The following NBAS variants were observed in gnomAD, a reference collection of about 807,000 sequenced individuals.
NBAS encodes NAG/BC035112 fusion.
NBAS carries 219 observed loss-of-function variants against 302.5 expected under a neutral mutation model. The ratio of observed to expected loss-of-function variants is 0.72; its 90% CI spans 0.65 to 0.81. NBAS has a LOEUF of 0.81. Among genes scored for constraint, NBAS ranks in the 30% least tolerant of loss-of-function variants. The pLI, the probability that NBAS is intolerant of heterozygous loss-of-function variation, is 0.00. For missense variants in NBAS, 2,932 were observed against 2,841.6 expected (o/e 1.03, Z -0.72); for synonymous variants, 1,118 against 1,021.6 (o/e 1.09, Z -1.80).
Position 15,402,196 on chromosome 2 carries a change from G to C in NBAS, c.3043C>G (p.Leu1015Val). The change falls in exon 26 of 52, where the codon CTA (leucine) becomes GTA (valine). Residue 1015 changes from leucine to valine, a missense_variant. Leu to Val is a conservative substitution (Grantham distance 32, BLOSUM62 1). Coordinates refer to ENST00000281513, the MANE Select transcript of NBAS (RefSeq NM_015909.4). ...NDQLCLCYDL[L>V]ECLPERGYGD... is the part of the protein sequence containing the mutation. ...TATCCTCTTTCTGGCAGACATTCTA[G>C]TAGGTCATAGCAAAGACAGAGTTGA... is the stretch of plus-strand genomic sequence containing the variant. The C allele has an allele frequency of 6.2e-7, 1 of 1,613,564 alleles. No homozygotes were observed. The highest frequency in any genetic ancestry group is 8.5e-7 in the Non-Finnish European group (1 of 1,179,646).
rs76474463 is a variant in NBAS at position 15,291,127 on chromosome 2, G to C, written c.5027+1410C>G. 3.8e-3 allele frequency among the ~76,000 whole-genome samples: 573 copies of C among 152,358 alleles called. 3 individuals carry two copies. Among genetic ancestry groups the C allele is most frequent in the East Asian group, 0.022 (114 of 5,182 alleles). On this transcript the variant is annotated intron_variant, in intron 41 of 51. Transcript: ENST00000281513. ...CTTAGTTTCAAAGGCTGGAAGCCTA[G>C]AGACTGAATCACATCCACTGCTTTT...
intron 42 of NBAS, among the ~76,000 whole-genome samples, chr2:15,279,949 A>G (rs188101893): frequency 6.6e-6 from 1 of 152,310 alleles, no homozygotes; most frequent in East Asian, 1.9e-4. Context: ...AAGAAATACC[A>G]TGAAACCACT....
the NBAS span, among the ~76,000 whole-genome samples, chr2:15,129,715 T>G: frequency 5.3e-5 from 8 of 152,330 alleles, no homozygotes; most frequent in East Asian, 1.5e-3. Context: ...TCCTGGCCAG[T>G]TGGCTGGGTA....
the NBAS span, among the ~76,000 whole-genome samples, chr2:14,936,891 G>T: frequency 1.3e-5 from 2 of 152,132 alleles, no homozygotes; most frequent in African/African-American, 4.8e-5. Context: ...AGGAAGGAGG[G>T]TTCTGCTGGG....
At chr2:14,921,101 T>G in the NBAS span, among the ~76,000 whole-genome samples, 1 of 152,110 alleles carries the variant, frequency 6.6e-6, no homozygotes, top group Non-Finnish European at 1.5e-5. Context: ...TTCCTTTCAC[T>G]TGAATGCTTA....
downstream of NBAS, among the ~76,000 whole-genome samples, chr2:15,164,209 G>A (rs1663961135): frequency 6.6e-6 from 1 of 152,218 alleles, no homozygotes; most frequent in Non-Finnish European, 1.5e-5. Context: ...CCTCGGCCAT[G>A]ATATTATCAG....
the NBAS span, among the ~76,000 whole-genome samples, chr2:15,126,511 G>A: frequency 6.6e-6 from 1 of 152,132 alleles, no homozygotes; most frequent in Non-Finnish European, 1.5e-5. Flanking sequence ...ATACCACTGG[G>A]AAAACTCTGA....
intron 35 of NBAS, among the ~76,000 whole-genome samples, chr2:15,334,990 A>G (rs958905944): frequency 6.6e-6 from 1 of 152,108 alleles, no homozygotes; most frequent in Admixed American, 6.5e-5. Flanking sequence ...TATGAATGAA[A>G]TCATGTACTC....
chr2:14,860,193 G>A, the NBAS span, among the ~76,000 whole-genome samples: 1 of 151,888 alleles, frequency 6.6e-6, no homozygotes, highest in East Asian at 1.9e-4. Flanking sequence ...GGATTAACAA[G>A]AATGTGGAGA....
chr2:14,805,485 T>C, the NBAS span, among the ~76,000 whole-genome samples: 1 of 152,152 alleles, frequency 6.6e-6, no homozygotes, highest in Non-Finnish European at 1.5e-5. Flanking sequence ...AGAAATAGGT[T>C]AGTGATATGG....
the NBAS span, among the ~76,000 whole-genome samples, chr2:14,854,735 C>G: frequency 6.6e-6 from 1 of 152,110 alleles, no homozygotes; most frequent in Non-Finnish European, 1.5e-5. Flanking sequence ...ATGGAGGGAG[C>G]ATTTAAACTA....
At chr2:15,370,249 C>T (rs570435563) in intron 31 of NBAS, among the ~76,000 whole-genome samples, 1 of 152,268 alleles carries the variant, frequency 6.6e-6, no homozygotes, top group South Asian at 2.1e-4. Context: ...CTCCCTGGGC[C>T]TTGATTTCAT....
chr2:15,011,010 T>C, the NBAS span, among the ~76,000 whole-genome samples: 2 of 152,194 alleles, frequency 1.3e-5, no homozygotes, highest in African/African-American at 4.8e-5. Flanking sequence ...TTTCAAGCCA[T>C]TGATTTGTTT....
the NBAS span, among the ~76,000 whole-genome samples, chr2:15,000,409 C>T: frequency 6.6e-6 from 1 of 152,158 alleles, no homozygotes; most frequent in Admixed American, 6.5e-5. Flanking sequence ...GAGCCAATGT[C>T]TTAGAGAAGA....
At chr2:15,514,408 C>A (rs1226524900) in intron 9 of NBAS, among the ~76,000 whole-genome samples, 1 of 152,166 alleles carries the variant, frequency 6.6e-6, no homozygotes, top group Non-Finnish European at 1.5e-5. Context: ...AATTTAATCA[C>A]AACGTTTTTT....
At chr2:15,305,357 T>C (rs1348034585) in intron 40 of NBAS, among the ~76,000 whole-genome samples, 1 of 152,052 alleles carries the variant, frequency 6.6e-6, no homozygotes, top group Non-Finnish European at 1.5e-5. Context: ...TCCTCCATGA[T>C]TGTAAGTTTT....
At chr2:15,237,661 T>C (rs982520789) in intron 45 of NBAS, among the ~76,000 whole-genome samples, 1 of 151,046 alleles carries the variant, frequency 6.6e-6, no homozygotes, top group African/African-American at 2.4e-5. Flanking sequence ...AGTGGAGCAA[T>C]CTCAGCTCAC....
chr2:15,344,311 A>T (rs567400014), intron 35 of NBAS, among the ~76,000 whole-genome samples: 1 of 152,274 alleles, frequency 6.6e-6, no homozygotes, highest in Middle Eastern at 3.4e-3. Context: ...CACAATAAAA[A>T]ATGATAAAGG....
chr2:15,144,046 A>ATATATATATATTATCCTATATAT, the NBAS span, among the ~76,000 whole-genome samples: 1 of 104,552 alleles, frequency 9.6e-6, no homozygotes, highest in African/African-American at 4.8e-5. Context: ...CCTATATATA[A>ATATATATATATTATCCTATATAT]AAATATATAT....
Sources: gnomAD v4.1 joint callset for allele counts (sites outside exome capture counted in the v4.1 genomes callset) on GRCh38, gnomAD v4.1.1 for gene constraint, MANE v1.5 for transcripts, NCBI Gene and HGNC (gene_info 2026-07-23, HGNC 2026-07-21) for gene names.